The following SCGB2B2 variants were observed in gnomAD, a reference collection of about 807,000 sequenced individuals.
The protein encoded by SCGB2B2 is secretoglobin family 2B member 2.
Under a neutral mutation model 7.6 loss-of-function variants are expected in SCGB2B2, and 11 were observed. That is an observed-to-expected ratio of 1.45 (90% CI 0.91 to 2.40). The LOEUF (loss-of-function observed/expected upper bound fraction) is 2.40. Ranked by LOEUF, SCGB2B2 falls within the 30% of genes most tolerant of loss-of-function variation. The probability of loss-of-function intolerance (pLI) is 0.00; values close to 1 mark genes in which losing one functional copy is unlikely to be tolerated. For synonymous variants in SCGB2B2, 50 were observed against 48.6 expected (o/e 1.03, Z -0.12); for missense variants, 104 against 115.4 (o/e 0.90, Z 0.45).
intron 1 of SCGB2B2, among the ~76,000 whole-genome samples, chr19:34,627,697 C>A (rs1403490457): frequency 6.6e-6 from 1 of 152,138 alleles, no homozygotes; most frequent in African/African-American, 2.4e-5. Context: ...CCACTGTCAA[C>A]ATTAGACAGA....
intron 1 of SCGB2B2, among the ~76,000 whole-genome samples, chr19:34,606,511 C>CTT (rs774587331): frequency 3.2e-5 from 3 of 92,584 alleles, no homozygotes; most frequent in African/African-American, 9.8e-5. Flanking sequence ...TTTTTCTTTT[C>CTT]TTTTTCTTTT....
intron 1 of SCGB2B2, among the ~76,000 whole-genome samples, chr19:34,671,698 A>T (rs1405474370): frequency 6.6e-6 from 1 of 152,174 alleles, no homozygotes; most frequent in Non-Finnish European, 1.5e-5. Context: ...TGCACATCTT[A>T]TGTGTCTCAA....
downstream of SCGB2B2, among the ~76,000 whole-genome samples, chr19:34,589,153 A>G (rs1040661612): frequency 4.6e-5 from 7 of 152,132 alleles, no homozygotes; most frequent in African/African-American, 1.4e-4. Context: ...GAGGGAGGCT[A>G]TGGGAAGGTC....
chr19:34,596,766 G>C (rs1176822419), intron 1 of SCGB2B2, among the ~76,000 whole-genome samples, 172 bp from the exon 2 acceptor site: 1 of 152,084 alleles, frequency 6.6e-6, no homozygotes, highest in Non-Finnish European at 1.5e-5. Context: ...GAGGCTGGGA[G>C]ACTGCAGCTG....
At chr19:34,672,627 A>G (rs908438789) in intron 1 of SCGB2B2, among the ~76,000 whole-genome samples, 2 of 152,184 alleles carry the variant, frequency 1.3e-5, no homozygotes, top group African/African-American at 4.8e-5. Context: ...TAAAATCTAA[A>G]ATTCCTCATA....
chr19:34,673,916 C>T (rs572956642), intron 1 of SCGB2B2, among the ~76,000 whole-genome samples: 1 of 152,326 alleles, frequency 6.6e-6, no homozygotes, highest in South Asian at 2.1e-4. Context: ...TATACTCCTG[C>T]TTCCCTAACG....
intron 1 of SCGB2B2, among the ~76,000 whole-genome samples, chr19:34,667,118 G>T (rs2067651021): frequency 6.6e-6 from 1 of 151,914 alleles, no homozygotes; most frequent in African/African-American, 2.4e-5. Context: ...TTGAGATCAG[G>T]GACTCTGTTC....
chr19:34,674,652 C>T (rs2067878437), intron 1 of SCGB2B2, among the ~76,000 whole-genome samples: 1 of 152,146 alleles, frequency 6.6e-6, no homozygotes, highest in South Asian at 2.1e-4. Context: ...AGAGGGGTAA[C>T]ACCTGCCTCA....
chr19:34,591,465 C>T lies in SCGB2B2; in HGVS notation c.*2090G>A, dbSNP rs954831951. On this transcript the variant is annotated 3_prime_UTR_variant, in exon 4 of 4. Coordinates refer to ENST00000601241, the MANE Select transcript of SCGB2B2 (RefSeq NM_001025591.4). ...CTACCTGGACGGCCACAGGGACTCC[C>T]AGTTGGTCTTCCTGCCTCTACTGCC... is the stretch of plus-strand genomic sequence containing the variant. Among the ~76,000 whole-genome samples the T allele has an allele frequency of 3.9e-5, 6 of 152,212 alleles. No individual in the cohort carries two copies. Among genetic ancestry groups the T allele is most frequent in the South Asian group, 2.1e-4 (1 of 4,826 alleles).
chr19:34,598,728 C>G (rs796701828), intron 1 of SCGB2B2, among the ~76,000 whole-genome samples: 1 of 150,722 alleles, frequency 6.6e-6, no homozygotes, highest in Non-Finnish European at 1.5e-5. Context: ...GTGACAGGTC[C>G]GTGCCCTGGC....
intron 1 of SCGB2B2, among the ~76,000 whole-genome samples, chr19:34,630,204 C>G (rs1455106388): frequency 6.6e-6 from 1 of 151,870 alleles, no homozygotes; most frequent in Non-Finnish European, 1.5e-5. Flanking sequence ...TAGGCATGGG[C>G]AAGGACTTCA....
At chr19:34,590,308 A>G (rs892777949), downstream of SCGB2B2, among the ~76,000 whole-genome samples, 3 of 152,168 alleles carry the variant, frequency 2.0e-5, no homozygotes, top group African/African-American at 7.2e-5. Context: ...CAAATGGAAC[A>G]TGGATCTCAG....
At chr19:34,655,487 A>G (rs1395476829) in intron 1 of SCGB2B2, among the ~76,000 whole-genome samples, 3 of 150,946 alleles carry the variant, frequency 2.0e-5, no homozygotes, top group African/African-American at 7.4e-5. Context: ...CCCCAACCCC[A>G]CTTCAAGTTG....
At chr19:34,590,422 A>G (rs1367862108), downstream of SCGB2B2, among the ~76,000 whole-genome samples, 1 of 152,094 alleles carries the variant, frequency 6.6e-6, no homozygotes, top group East Asian at 1.9e-4. Flanking sequence ...TCCATCCATC[A>G]TCTATCCATA....
At chr19:34,625,540 A>C (rs1286460243) in intron 1 of SCGB2B2, among the ~76,000 whole-genome samples, 1 of 152,188 alleles carries the variant, frequency 6.6e-6, no homozygotes, top group Non-Finnish European at 1.5e-5. Flanking sequence ...GCAGTCTGAG[A>C]TCAAACTGCA....
At chr19:34,652,791 A>C in intron 1 of SCGB2B2, among the ~76,000 whole-genome samples, 1 of 151,450 alleles carries the variant, frequency 6.6e-6, no homozygotes, top group East Asian at 1.9e-4. Context: ...TATGAAAAAC[A>C]GTATGAGGGT....
At chr19:34,647,132 G>A (rs1209713227) in intron 1 of SCGB2B2, among the ~76,000 whole-genome samples, 2 of 152,084 alleles carry the variant, frequency 1.3e-5, no homozygotes, top group Non-Finnish European at 2.9e-5. Flanking sequence ...TCTGCTCCTC[G>A]GGCTGTTGGG....
intron 1 of SCGB2B2, among the ~76,000 whole-genome samples, chr19:34,600,918 G>GGTGTGT (rs59535318): frequency 0.073 from 10,995 of 150,048 alleles, 470 homozygotes; most frequent in South Asian, 0.17. Context: ...CTCGGGGTGT[G>GGTGTGT]GTGTGTGTGT....
intron 1 of SCGB2B2, among the ~76,000 whole-genome samples, chr19:34,611,079 T>G (rs1328888944): frequency 6.6e-6 from 1 of 152,178 alleles, no homozygotes; most frequent in Non-Finnish European, 1.5e-5. Flanking sequence ...ATTTACATAT[T>G]TTCTGGTTGG....
Sources: allele counts gnomAD v4.1 joint callset (sites outside exome capture counted in the v4.1 genomes callset), GRCh38; gene constraint gnomAD v4.1.1; transcripts MANE v1.5; gene names NCBI Gene and HGNC (gene_info 2026-07-23, HGNC 2026-07-21).